SHB: variants seen among roughly 807,000 people sequenced by gnomAD.
The protein encoded by SHB is SH2 domain containing adaptor protein B, also known as SH2 domain-containing adapter protein B.
SHB carries 20 observed loss-of-function variants against 52.3 expected under a neutral mutation model. The ratio of observed to expected loss-of-function variants is 0.38; its 90% confidence interval spans 0.27 to 0.56. The LOEUF (loss-of-function observed/expected upper bound fraction) is 0.56. Ranked by LOEUF, SHB falls within the 20% of genes least tolerant of loss-of-function variation. The pLI is 0.71. For synonymous variants in SHB, 397 were observed against 316.5 expected (o/e 1.25, Z -2.70); for missense variants, 825 against 723.3 (o/e 1.14, Z -1.61).
At position 37,918,523 on chromosome 9, in the gene SHB, T is replaced by G. The variant is rs1373853994; in HGVS notation, c.*1298A>C. On this transcript the variant is annotated 3_prime_UTR_variant, in exon 6 of 6. Transcript: ENST00000377707. ...TGTGTGTGTGTGTGTGTAGGTGTTC[T>G]TGTGTGTGGAAGCAGTGTGGACCAC... Among the ~76,000 whole-genome samples the G allele has an allele frequency of 1.3e-5, 2 of 150,166 alleles. No homozygotes were observed. Among genetic ancestry groups the G allele is most frequent in the Non-Finnish European group, 3.0e-5 (2 of 67,614 alleles).
intron 5 of SHB, among the ~76,000 whole-genome samples, chr9:37,921,714 C>T (rs1258029386): frequency 6.6e-6 from 1 of 152,152 alleles, no homozygotes; most frequent in East Asian, 1.9e-4. Context: ...GAGAAGCAGG[C>T]GGCGCACTCG....
chr9:38,026,996 C>T (rs1821350442), intron 1 of SHB, among the ~76,000 whole-genome samples: 1 of 152,376 alleles, frequency 6.6e-6, no homozygotes, highest in Admixed American at 6.5e-5. Context: ...CCAAGGCAGG[C>T]TGGCATGTGC....
chr9:38,040,831 T>A (rs7042681), intron 1 of SHB, among the ~76,000 whole-genome samples: 6 of 151,018 alleles, frequency 4.0e-5, no homozygotes, highest in Non-Finnish European at 8.8e-5. Context: ...TTGCCATAAA[T>A]GGAGGAAGCA....
intron 3 of SHB, among the ~76,000 whole-genome samples, 191 bp from the exon 4 acceptor site, chr9:37,956,245 C>A (rs1832631083): frequency 6.6e-6 from 1 of 152,178 alleles, no homozygotes. Flanking sequence ...GTGATCACAG[C>A]CCAATGGTGC....
At chr9:37,984,601 C>G (rs192460234) in intron 2 of SHB, among the ~76,000 whole-genome samples, 1 of 152,174 alleles carries the variant, frequency 6.6e-6, no homozygotes, top group African/African-American at 2.4e-5. Flanking sequence ...ATCAGTCTGT[C>G]TTGTTTTTGG....
At chr9:38,022,291 C>T (rs1271833553) in intron 1 of SHB, among the ~76,000 whole-genome samples, 1 of 152,184 alleles carries the variant, frequency 6.6e-6, no homozygotes, top group African/African-American at 2.4e-5. Flanking sequence ...GAAAACAAGA[C>T]ACTCTCTCCT....
intron 2 of SHB, among the ~76,000 whole-genome samples, chr9:37,997,616 G>A (rs1820962399): frequency 6.6e-6 from 1 of 152,198 alleles, no homozygotes; most frequent in Non-Finnish European, 1.5e-5. Context: ...GCTGGCACAG[G>A]AGGGTACAAA....
chr9:37,934,694 T>C (rs1832348920), intron 5 of SHB, among the ~76,000 whole-genome samples: 1 of 152,350 alleles, frequency 6.6e-6, no homozygotes, highest in Middle Eastern at 3.4e-3. Flanking sequence ...GTCAGCTCTT[T>C]GTGGTCACGG....
At chr9:38,037,595 G>A (rs1372509509) in intron 1 of SHB, among the ~76,000 whole-genome samples, 1 of 152,170 alleles carries the variant, frequency 6.6e-6, no homozygotes, top group African/African-American at 2.4e-5. Flanking sequence ...CTATAAAGTG[G>A]GGATAGTAAC....
chr9:38,022,110 T>C (rs1392748952), intron 1 of SHB, among the ~76,000 whole-genome samples: 3 of 152,216 alleles, frequency 2.0e-5, no homozygotes, highest in Non-Finnish European at 2.9e-5. Context: ...TTTAAGACTA[T>C]ACATTAATTT....
intron 1 of SHB, among the ~76,000 whole-genome samples, chr9:38,055,522 A>T (rs1048125802): frequency 6.6e-6 from 1 of 152,106 alleles, no homozygotes; most frequent in East Asian, 1.9e-4. Flanking sequence ...CGTGTGGCCC[A>T]CACAGGCCAC....
At chr9:37,951,883 G>A (rs977611745) in intron 4 of SHB, among the ~76,000 whole-genome samples, 1 of 152,258 alleles carries the variant, frequency 6.6e-6, no homozygotes, top group Non-Finnish European at 1.5e-5. Flanking sequence ...TAGGAGTCAG[G>A]CTGGGCTGGG....
intron 2 of SHB, chr9:38,015,355 C>A: frequency 1.4e-6 from 1 of 697,658 alleles, no homozygotes; most frequent in South Asian, 1.5e-5. Flanking sequence ...CTAAAATAGG[C>A]CCCCAGGATG....
chr9:37,958,247 A>T (rs1438936037), intron 3 of SHB, among the ~76,000 whole-genome samples: 1 of 150,566 alleles, frequency 6.6e-6, no homozygotes, highest in Non-Finnish European at 1.5e-5. Flanking sequence ...GGTCAGATCC[A>T]GCCACATTCT....
At chr9:38,062,447 C>A (rs189608090) in intron 1 of SHB, among the ~76,000 whole-genome samples, 155 of 152,330 alleles carry the variant, frequency 1.0e-3, no homozygotes, top group Admixed American at 1.7e-3. Flanking sequence ...CTTTAGTCAA[C>A]AGAATGCAGC....
Position 38,038,947 on chromosome 9 carries a change from C to T in SHB, c.718-22816G>A, listed in dbSNP as rs113515768. ...AATGGAGCGGGTGGGATCAGGAGCC[C>T]GAGGAAGTGAGGAGATGGAAGTTTT... On this transcript the variant is annotated intron_variant, in intron 1 of 5. Coordinates refer to ENST00000377707, the MANE Select transcript of SHB (RefSeq NM_003028.3). Among the ~76,000 whole-genome samples, 73 of 152,226 alleles carry T rather than the reference C, an allele frequency of 4.8e-4. 3 individuals carry two copies. The highest frequency in any genetic ancestry group is 1.6e-3 in the African/African-American group (65 of 41,548).
chr9:38,003,607 TTC>T (rs1821045319), intron 2 of SHB, among the ~76,000 whole-genome samples: 1 of 152,110 alleles, frequency 6.6e-6, no homozygotes, highest in Non-Finnish European at 1.5e-5. Flanking sequence ...CTTCCATGGA[TTC>T]TCCACGAAGA....
chr9:38,068,023 C>A lies in SHB; in HGVS notation c.623G>T (p.Arg208Leu). 6.6e-7 allele frequency: 1 copy of A among 1,509,614 alleles called. No homozygotes were observed. The highest frequency in any genetic ancestry group is 8.8e-7 in the Non-Finnish European group (1 of 1,137,244). The allele number at this position is 1,509,614 out of a possible 1,614,324, so 93.5% of individuals were successfully genotyped here. The change falls in exon 1 of 6, where the codon CGC (arginine) becomes CTC (leucine). Residue 208 changes from arginine to leucine, a missense_variant. Coordinates refer to ENST00000377707, the MANE Select transcript of SHB (RefSeq NM_003028.3). ...TCCGCAGGCCGTCGGGCTCCAGGTG[C>A]GGCCGCCCGCGCAGGCGCCCCCCAG... ...DPLGGACAGGRTWSPTACGGK... is the reference protein window; with the variant it reads ...DPLGGACAGGLTWSPTACGGK...
chr9:38,049,110 T>C (rs1485072932), intron 1 of SHB, among the ~76,000 whole-genome samples: 1 of 152,162 alleles, frequency 6.6e-6, no homozygotes, highest in Non-Finnish European at 1.5e-5. Context: ...AGCCGTAACC[T>C]CCCAGACTTA....
Sources: gnomAD v4.1 joint callset for allele counts (sites outside exome capture counted in the v4.1 genomes callset) on GRCh38, gnomAD v4.1.1 for gene constraint, MANE v1.5 for transcripts, NCBI Gene and HGNC (gene_info 2026-07-23, HGNC 2026-07-21) for gene names.